Variants in GALNT13 observed in about 807,000 individuals in gnomAD.
GALNT13 encodes the protein polypeptide N-acetylgalactosaminyltransferase 13.
GALNT13 carries 28 observed loss-of-function variants against 64.2 expected under a neutral mutation model. The observed-to-expected ratio is 0.44, with a 90% CI of 0.32 to 0.60. The LOEUF is 0.60. Among genes scored for constraint, GALNT13 ranks in the 20% least tolerant of loss-of-function variants. The probability of loss-of-function intolerance (pLI) is 0.05; values close to 1 mark genes in which losing one functional copy is unlikely to be tolerated. For synonymous variants in GALNT13, 214 were observed against 224.6 expected (o/e 0.95, Z 0.42); for missense variants, 577 against 669.8 (o/e 0.86, Z 1.53).
chr2:153,475,057 G>T, the GALNT13 span, among the ~76,000 whole-genome samples: 1 of 152,190 alleles, frequency 6.6e-6, no homozygotes, highest in Non-Finnish European at 1.5e-5. Context: ...GCAGTTGTTA[G>T]AATGAGGGAC....
the GALNT13 span, among the ~76,000 whole-genome samples, chr2:153,473,206 T>C: frequency 1.3e-5 from 2 of 151,700 alleles, no homozygotes; most frequent in Non-Finnish European, 2.9e-5. Flanking sequence ...AAAGGAAAAA[T>C]ACATGTAGTT....
chr2:153,295,476 T>C, the GALNT13 span, among the ~76,000 whole-genome samples: 4 of 151,606 alleles, frequency 2.6e-5, no homozygotes, highest in Non-Finnish European at 5.9e-5. Flanking sequence ...CTTGTCTTTC[T>C]TCAGGAGTAA....
At chr2:153,327,048 C>T in the GALNT13 span, among the ~76,000 whole-genome samples, 55 of 152,094 alleles carry the variant, frequency 3.6e-4, no homozygotes, top group African/African-American at 1.3e-3. Context: ...AGGGCCACTG[C>T]ACTCCAGCCT....
intron 2 of GALNT13, among the ~76,000 whole-genome samples, chr2:153,901,261 G>A (rs1320924390): frequency 6.6e-6 from 1 of 152,134 alleles, no homozygotes; most frequent in African/African-American, 2.4e-5. Context: ...CGGGTAATGT[G>A]ATACCTCTAG....
chr2:154,428,783 T>TG (rs1700579709), intron 11 of GALNT13, among the ~76,000 whole-genome samples: 1 of 151,706 alleles, frequency 6.6e-6, no homozygotes, highest in Non-Finnish European at 1.5e-5. Context: ...AGTGATTTTT[T>TG]TTTTTTTTTT....
the GALNT13 span, among the ~76,000 whole-genome samples, chr2:153,632,861 T>C: frequency 2.6e-5 from 4 of 152,128 alleles, no homozygotes; most frequent in African/African-American, 4.8e-5. Context: ...CAAGCAATTC[T>C]CCTGTCTCAG....
chr2:153,295,523 T>C, the GALNT13 span, among the ~76,000 whole-genome samples: 191 of 70,420 alleles, frequency 2.7e-3, 6 homozygotes, highest in East Asian at 0.04. Flanking sequence ...ACATCTGGAG[T>C]ACCTAAAAAA....
the GALNT13 span, among the ~76,000 whole-genome samples, chr2:153,316,575 A>G: frequency 6.9e-6 from 1 of 145,674 alleles, no homozygotes; most frequent in Non-Finnish European, 1.5e-5. Flanking sequence ...AGACAGTCGG[A>G]GTTTGCAGTG....
chr2:153,852,079 G>C, the GALNT13 span, among the ~76,000 whole-genome samples: 397 of 152,086 alleles, frequency 2.6e-3, 1 homozygote, highest in Middle Eastern at 0.02. Flanking sequence ...AGAAAAAATG[G>C]AGGCATAAAA....
chr2:153,458,541 G>A, the GALNT13 span, among the ~76,000 whole-genome samples: 4 of 151,922 alleles, frequency 2.6e-5, no homozygotes, highest in African/African-American at 9.7e-5. Context: ...AGCCTTCCTA[G>A]CCAGATTTTC....
the GALNT13 span, among the ~76,000 whole-genome samples, chr2:153,511,298 G>T: frequency 1.3e-5 from 2 of 151,798 alleles, no homozygotes; most frequent in Non-Finnish European, 2.9e-5. Flanking sequence ...AAAAAGGGGC[G>T]GGGGTTGGCT....
chr2:154,393,715 A>G (rs185426189), intron 9 of GALNT13, among the ~76,000 whole-genome samples: 8 of 152,310 alleles, frequency 5.3e-5, no homozygotes, highest in African/African-American at 1.9e-4. Flanking sequence ...AGTAATCTCT[A>G]TAATTCCCCA....
chr2:153,666,245 C>T, the GALNT13 span, among the ~76,000 whole-genome samples: 615 of 152,220 alleles, frequency 4.0e-3, 6 homozygotes, highest in African/African-American at 0.014. Context: ...CCCCAGATTG[C>T]TTTGCCAGCA....
At chr2:153,481,664 A>G in the GALNT13 span, among the ~76,000 whole-genome samples, 149 of 152,276 alleles carry the variant, frequency 9.8e-4, no homozygotes, top group African/African-American at 3.3e-3. Context: ...TACATGTTAC[A>G]CAAGGACAGA....
At chr2:154,337,623 T>C (rs1367911155) in intron 9 of GALNT13, among the ~76,000 whole-genome samples, 1 of 152,114 alleles carries the variant, frequency 6.6e-6, no homozygotes, top group Admixed American at 6.6e-5. Context: ...TACATTTTGT[T>C]ATAAATATGG....
intron 9 of GALNT13, among the ~76,000 whole-genome samples, chr2:154,348,693 G>A (rs1448944110): frequency 2.6e-5 from 4 of 151,920 alleles, no homozygotes; most frequent in African/African-American, 4.8e-5. Context: ...TCTATTTGAG[G>A]AAGTCCCAAT....
chr2:153,377,859 G>A, the GALNT13 span, among the ~76,000 whole-genome samples: 2 of 152,000 alleles, frequency 1.3e-5, no homozygotes, highest in Non-Finnish European at 2.9e-5. Flanking sequence ...GAGAGTTCGA[G>A]AACCAGCCAA....
chr2:153,168,769 C>T, the GALNT13 span, among the ~76,000 whole-genome samples: 1 of 152,212 alleles, frequency 6.6e-6, no homozygotes, highest in Admixed American at 6.5e-5. Flanking sequence ...TTAACGTACT[C>T]TTATTAATTG....
chr2:153,412,134 T>G, the GALNT13 span, among the ~76,000 whole-genome samples: 1 of 152,190 alleles, frequency 6.6e-6, no homozygotes, highest in Non-Finnish European at 1.5e-5. Flanking sequence ...TCAGACTGGC[T>G]CTTCTTGCTC....
Sources: allele counts gnomAD v4.1 joint callset (sites outside exome capture counted in the v4.1 genomes callset), GRCh38; gene constraint gnomAD v4.1.1; transcripts MANE v1.5; gene names NCBI Gene and HGNC (gene_info 2026-07-23, HGNC 2026-07-21).